MYOT: variants seen among roughly 807,000 people sequenced by gnomAD.
MYOT encodes 57 kDa cytoskeletal protein.
Under a neutral mutation model 58.0 loss-of-function variants are expected in MYOT, and 36 were observed. The observed-to-expected ratio is 0.62, with a 90% CI of 0.48 to 0.82. The LOEUF is 0.82. Among genes scored for constraint, MYOT ranks in the 40% least tolerant of loss-of-function variants. MYOT has a pLI of 0.00. For synonymous variants in MYOT, 218 were observed against 204.6 expected (o/e 1.07, Z -0.56); for missense variants, 505 against 592.1 (o/e 0.85, Z 1.53).
intron 5 of MYOT, 135 bp downstream of exon 5, chr5:137,881,000 GAGA>G (rs1561662711): frequency 5.9e-6 from 4 of 683,130 alleles, no homozygotes; most frequent in Non-Finnish European, 9.7e-6. Context: ...TCTAATGTCT[GAGA>G]AGATGACCAA....
chr5:137,886,109 G>A lies in MYOT; in HGVS notation c.1086G>A (p.Glu362=), dbSNP rs748622623. 1.2e-6 allele frequency: 2 copies of A among 1,611,232 alleles called. No individual in the cohort carries two copies. Among genetic ancestry groups the A allele is most frequent in the East Asian group, 2.2e-5 (1 of 44,754 alleles). ...AACCACAGAGCAAAAAAGTTTTAGAGGGAGATTCAGTGAAACTAGAATGCC... is the reference window on the plus strand; with the variant it reads ...AACCACAGAGCAAAAAAGTTTTAGAAGGAGATTCAGTGAAACTAGAATGCC... ...IYKPQSKKVL[E]GDSVKLECQI... The change falls in exon 8 of 10, where the codon GAG becomes GAA. Residue 362 remains glutamate (E), a synonymous_variant. Transcript: ENST00000239926.
At chr5:137,879,041 T>G (rs1755325718) in intron 4 of MYOT, among the ~76,000 whole-genome samples, 1 of 152,142 alleles carries the variant, frequency 6.6e-6, no homozygotes, top group Non-Finnish European at 1.5e-5. Context: ...GTTCAAGTGA[T>G]TCTCGTGCCT....
intron 1 of MYOT, among the ~76,000 whole-genome samples, chr5:137,870,126 T>TAAAA (rs566265335): frequency 3.5e-5 from 3 of 86,784 alleles, no homozygotes; most frequent in Non-Finnish European, 5.0e-5. Flanking sequence ...CTGTCTCTAC[T>TAAAA]AAAAAAAAAA....
intron 2 of MYOT, among the ~76,000 whole-genome samples, chr5:137,873,038 A>G (rs1375155600): frequency 1.3e-5 from 2 of 152,332 alleles, no homozygotes; most frequent in Admixed American, 6.5e-5. Flanking sequence ...TAATGAGAGT[A>G]TTCAGTGAAC....
chr5:137,883,031 G>C, intron 6 of MYOT: 1 of 263,306 alleles, frequency 3.8e-6, no homozygotes, highest in South Asian at 4.4e-5. Flanking sequence ...GTGCCTCTGG[G>C]ACTTCATTTG....
rs1024064781 is a variant in MYOT at position 137,880,052 on chromosome 5, C to T, written c.634-764C>T. On this transcript the variant is annotated intron_variant, in intron 4 of 9. Coordinates refer to ENST00000239926, the MANE Select transcript of MYOT (RefSeq NM_006790.3). ...ATTATTTGTACTCAGATCTTGTGTG[C>T]TCCTACAGAGCTTTGGGTAGGGACT... 4.6e-5 allele frequency among the ~76,000 whole-genome samples: 7 copies of T among 152,268 alleles called. 1 individual carries two copies. The South Asian group carries it at 1.4e-3, about 32-fold the overall frequency.
intron 5 of MYOT, 116 bp downstream of exon 5, chr5:137,880,981 TG>T: frequency 3.9e-6 from 3 of 761,810 alleles, no homozygotes; most frequent in Non-Finnish European, 6.5e-6. Context: ...AAAAATACAA[TG>T]TGTATTTTCT....
rs556928251 is a variant in MYOT, at chr5:137,886,988, G to C, written c.1315G>C (p.Asp439His). 5 of 1,613,448 alleles carry C rather than the reference G, an allele frequency of 3.1e-6. No individual in the cohort carries two copies. The Admixed American group carries it at 5.0e-5, about 16-fold the overall frequency. The change falls in exon 9 of 10, where the codon GAC (aspartate) becomes CAC (histidine). Residue 439 changes from aspartate (D) to histidine (H), a missense_variant. Transcript: ENST00000239926. ...AGTGACTACATGTAACACAAGATTA[G>C]ACGTTACGGGTATGTCATACTATTA... ...AGVTTCNTRLDVTARPNQTLP... is the reference protein window; with the variant it reads ...AGVTTCNTRLHVTARPNQTLP...
chr5:137,871,963 C>T (rs529395511), intron 2 of MYOT, among the ~76,000 whole-genome samples: 2 of 152,212 alleles, frequency 1.3e-5, no homozygotes, highest in South Asian at 2.1e-4. Flanking sequence ...GCTAATTTCT[C>T]GCAGTCTTCT....
At chr5:137,880,437 A>G (rs1561662338) in intron 4 of MYOT, among the ~76,000 whole-genome samples, 1 of 152,206 alleles carries the variant, frequency 6.6e-6, no homozygotes, top group Non-Finnish European at 1.5e-5. Flanking sequence ...TACTGCCAAT[A>G]CAAGTGACTT....
Position 137,877,484 on chromosome 5 carries a change from T to A in MYOT, c.532-36T>A, listed in dbSNP as rs768661535. ...GGTAAACCTGTACAAACATCTTTTA[T>A]TAAATCTAATTACTGTCTCAATAAA... On this transcript the variant is annotated intron_variant, in intron 3 of 9. Transcript: ENST00000239926. The A allele has an allele frequency of 2.8e-6, 4 of 1,441,430 alleles. No homozygotes were observed. The East Asian group carries it at 6.8e-5, about 25-fold the overall frequency. The allele number at this position is 1,441,430 out of a possible 1,614,324, so 89.3% of individuals were successfully genotyped here. A position where few individuals can be genotyped will look rare whatever the true frequency, so the allele number is the denominator to read the frequency against.
intron 6 of MYOT, chr5:137,883,172 G>T: frequency 1.8e-6 from 1 of 550,416 alleles, no homozygotes; most frequent in Non-Finnish European, 3.2e-6. Flanking sequence ...AAGAGTTATG[G>T]TTTGAGACAG....
At position 137,880,953 on chromosome 5, in the gene MYOT, C is replaced by T. The variant is rs929274580; in HGVS notation, c.683+88C>T. On this transcript the variant is annotated intron_variant, in intron 5 of 9. Transcript: ENST00000239926. ...ATGTAATATTTATAAAGCCCTCGAG[C>T]CTACTCTATACCTTTTGAAAAATAC... 12 of 967,102 alleles carry T rather than the reference C, an allele frequency of 1.2e-5. No homozygotes were observed. In the African/African-American group the frequency reaches 1.8e-4, roughly 15 times the overall value. The allele number at this position is 967,102 out of a possible 1,614,324, so 59.9% of individuals were successfully genotyped here.
intron 3 of MYOT, among the ~76,000 whole-genome samples, 149 bp from the exon 4 acceptor site, chr5:137,877,367 CAAAA>C (rs1172576383): frequency 2.4e-5 from 1 of 42,114 alleles, no homozygotes; most frequent in Non-Finnish European, 5.6e-5. Context: ...GACTCCGTCT[CAAAA>C]AAAAAAAAAA....
chr5:137,886,238 C>T, intron 8 of MYOT, 25 bp downstream of exon 8: 13 of 1,565,918 alleles, frequency 8.3e-6, no homozygotes, highest in Non-Finnish European at 1.1e-5. Flanking sequence ...TCTAGACTTA[C>T]TATAGTTTAT....
chr5:137,872,257 T>C (rs1215981807), intron 2 of MYOT, among the ~76,000 whole-genome samples: 1 of 152,142 alleles, frequency 6.6e-6, no homozygotes, highest in Non-Finnish European at 1.5e-5. Context: ...TTTCTTTCTC[T>C]TCCCTCCCAA....
chr5:137,872,072 T>C (rs1448517871), intron 2 of MYOT, among the ~76,000 whole-genome samples: 1 of 152,192 alleles, frequency 6.6e-6, no homozygotes, highest in Non-Finnish European at 1.5e-5. Flanking sequence ...AAAAACCTTT[T>C]CAATATTTTA....
Position 137,882,080 on chromosome 5 carries a change from G to T in MYOT, c.791G>T (p.Gly264Val), listed in dbSNP as rs1755454609. The T allele has an allele frequency of 6.2e-7, 1 of 1,614,202 alleles. No homozygotes were observed. Among genetic ancestry groups the T allele is most frequent in the Non-Finnish European group, 8.5e-7 (1 of 1,180,026 alleles). The change falls in exon 6 of 10, where the codon GGA becomes GTA. Residue 264 changes from glycine (G) to valine (V), a missense_variant. By Grantham distance (109) the Gly-to-Val change is moderately radical (BLOSUM62 -3). Coordinates refer to ENST00000239926, the MANE Select transcript of MYOT (RefSeq NM_006790.3). The part of the protein sequence containing the change: ...QVPENMSIDE[G>V]RFCRMDFKVS... ...CCAGAGAACATGTCGATTGATGAAG[G>T]AAGATTCTGCAGAATGGACTTCAAA...
At position 137,882,230 on chromosome 5, in the gene MYOT, G is replaced by A. The variant is rs982135012; in HGVS notation, c.816+125G>A. The stretch of plus-strand genomic sequence containing the variant: ...TACAATGGACAAGAACACAAATTCT[G>A]AAGTCAAACTGATGTGGGTTTGAAT... On this transcript the variant is annotated intron_variant, in intron 6 of 9. Transcript: ENST00000239926. 1.0e-5 allele frequency: 11 copies of A among 1,097,402 alleles called. No individual in the cohort carries two copies. The South Asian group carries it at 1.2e-4, about 12-fold the overall frequency. The allele number at this position is 1,097,402 out of a possible 1,614,324, so 68.0% of individuals were successfully genotyped here. A position where few individuals can be genotyped will look rare whatever the true frequency, so the allele number is the denominator to read the frequency against.
Sources: allele counts gnomAD v4.1 joint callset (sites outside exome capture counted in the v4.1 genomes callset), GRCh38; gene constraint gnomAD v4.1.1; transcripts MANE v1.5; gene names NCBI Gene and HGNC (gene_info 2026-07-23, HGNC 2026-07-21).